GBF1: variants seen among roughly 807,000 people sequenced by gnomAD.
GBF1 encodes golgi brefeldin A resistant guanine nucleotide exchange factor 1.
In GBF1, 114 loss-of-function variants were observed where a neutral mutation model predicts 210.5. The ratio of observed to expected loss-of-function variants is 0.54; its 90% confidence interval spans 0.47 to 0.63. The LOEUF (loss-of-function observed/expected upper bound fraction) is 0.63, where lower values mean the gene tolerates loss of function less well. GBF1 is among the 30% of genes least tolerant of loss of function. GBF1 has a pLI of 0.00. For synonymous variants in GBF1, 850 were observed against 889.2 expected, an observed-to-expected ratio of 0.96 and a Z score of 0.78; for missense variants, 1,851 against 2,357.7, an observed-to-expected ratio of 0.79 and a Z score of 4.45.
chr10:102,360,151 T>C (rs1449673255), intron 11 of GBF1, 33 bp from the exon 12 acceptor site: 3 of 1,371,820 alleles, frequency 2.2e-6, no homozygotes, highest in East Asian at 4.6e-5. Context: ...AGTTGTTTTA[T>C]AGCAGTCTCA....
intron 4 of GBF1, 86 bp downstream of exon 4, chr10:102,344,268 G>A: frequency 4.0e-6 from 5 of 1,252,196 alleles, no homozygotes; most frequent in Non-Finnish European, 5.7e-6. Context: ...ATGAGCTGGT[G>A]ATAGTGGGAA....
intron 3 of GBF1, among the ~76,000 whole-genome samples, chr10:102,337,856 C>G (rs374408552): frequency 2.3e-4 from 35 of 151,938 alleles, no homozygotes; most frequent in African/African-American, 7.5e-4. Flanking sequence ...GACTCTGTCT[C>G]AAAAAGAAAG....
the GBF1 span, among the ~76,000 whole-genome samples, chr10:102,232,909 A>C: frequency 6.6e-6 from 1 of 152,182 alleles, no homozygotes; most frequent in African/African-American, 2.4e-5. Context: ...AATAATGTAT[A>C]CTTACTGTGA....
chr10:102,346,902 G>A (rs980146779), intron 4 of GBF1, among the ~76,000 whole-genome samples: 1 of 152,106 alleles, frequency 6.6e-6, no homozygotes, highest in Non-Finnish European at 1.5e-5. Flanking sequence ...ATGTCAATTT[G>A]TAGGAGTTCT....
At chr10:102,351,687 T>A (rs186339554) in intron 5 of GBF1, among the ~76,000 whole-genome samples, 156 bp from the exon 6 acceptor site, 1 of 152,204 alleles carries the variant, frequency 6.6e-6, no homozygotes, top group East Asian at 1.9e-4. Flanking sequence ...TATGTCAGGG[T>A]CATAAAAAGT....
chr10:102,271,207 T>G (rs1348232339), intron 3 of GBF1, among the ~76,000 whole-genome samples: 2 of 151,954 alleles, frequency 1.3e-5, no homozygotes, highest in Non-Finnish European at 2.9e-5. Context: ...CCGGCTAATT[T>G]TTTGTATTTT....
At chr10:102,362,731 C>T (rs1282476235) in intron 15 of GBF1, 67 bp downstream of exon 15, 8 of 1,293,614 alleles carry the variant, frequency 6.2e-6, no homozygotes, top group African/African-American at 2.9e-5. Flanking sequence ...CTCTCTGAGT[C>T]GTTTTTCCTG....
intron 3 of GBF1, among the ~76,000 whole-genome samples, chr10:102,332,138 G>A (rs2057382313): frequency 6.6e-6 from 1 of 152,022 alleles, no homozygotes; most frequent in African/African-American, 2.4e-5. Flanking sequence ...GGGATTACAG[G>A]TGTGAGCCAC....
intron 3 of GBF1, among the ~76,000 whole-genome samples, chr10:102,330,887 T>C (rs2057286935): frequency 6.6e-6 from 1 of 152,120 alleles, no homozygotes; most frequent in African/African-American, 2.4e-5. Flanking sequence ...ATACATCATA[T>C]TGGACAAAAT....
chr10:102,375,430 G>A lies in GBF1; in HGVS notation c.3732G>A (p.Ala1244=), dbSNP rs566182233. 23 of 1,613,804 alleles carry A rather than the reference G, an allele frequency of 1.4e-5. 1 individual carries two copies. Among genetic ancestry groups the A allele is most frequent in the South Asian group, 7.7e-5 (7 of 91,076 alleles). ...TATCCCGAGTCAGCCACCAGGTTGC[G>A]TATGGGCTCCATGAACTCCTGAAGA... The part of the protein sequence containing the change: ...SVLSRVSHQV[A]YGLHELLKTN... The change falls in exon 30 of 40, where the codon GCG becomes GCA. Residue 1244 remains alanine, a synonymous_variant. Coordinates refer to ENST00000369983, the MANE Select transcript of GBF1 (RefSeq NM_001377137.1).
At chr10:102,352,544 C>T in intron 7 of GBF1, 26 bp downstream of exon 7, 1 of 1,556,350 alleles carries the variant, frequency 6.4e-7, no homozygotes, top group Admixed American at 1.7e-5. Flanking sequence ...TTTGCTTCAG[C>T]CCGGCTGCCC....
rs148020551 is a variant in GBF1, at chr10:102,363,078, G to C, written c.1877-178G>C. 2.1e-4 allele frequency among the ~76,000 whole-genome samples: 32 copies of C among 152,276 alleles called. No homozygotes were observed. Among genetic ancestry groups the C allele is most frequent in the African/African-American group, 7.2e-4 (30 of 41,554 alleles). On this transcript the variant is annotated intron_variant, in intron 15 of 39. Coordinates refer to ENST00000369983, the MANE Select transcript of GBF1 (RefSeq NM_001377137.1). The surrounding 1 kb of genome is among the most constrained non-coding windows in gnomAD (Gnocchi z 4.2). Reference sequence around the variant, plus strand: ...TGGGTAATCTCTTCATTAAATTAGAGAATCTAATGCTTGGCTGGGACAGGG... The same window carrying C: ...TGGGTAATCTCTTCATTAAATTAGACAATCTAATGCTTGGCTGGGACAGGG...
chr10:102,280,329 G>C (rs987354823), intron 3 of GBF1, among the ~76,000 whole-genome samples: 1 of 152,100 alleles, frequency 6.6e-6, no homozygotes, highest in African/African-American at 2.4e-5. Flanking sequence ...CAGTGTGTGG[G>C]TTTTCCCCTT....
intron 33 of GBF1, among the ~76,000 whole-genome samples, chr10:102,378,803 G>A (rs1026988288): frequency 3.3e-5 from 5 of 151,900 alleles, no homozygotes; most frequent in African/African-American, 7.3e-5. Flanking sequence ...CTGTGGCAGC[G>A]CACAGCTGTA....
At position 102,368,411 on chromosome 10, in the gene GBF1, A is replaced by C. The variant is rs562563900; in HGVS notation, c.2836A>C (p.Ser946Arg). 1 of 1,613,666 alleles carries C rather than the reference A, an allele frequency of 6.2e-7. No homozygotes were observed. The highest frequency in any genetic ancestry group is 1.3e-5 in the African/African-American group (1 of 75,032). The change falls in exon 22 of 40, where the codon AGC (serine) becomes CGC (arginine). Residue 946 changes from serine to arginine, a missense_variant. Physicochemically the swap from Ser to Arg is moderately radical, Grantham distance 110. Transcript: ENST00000369983. ...TGCTCTCTCTTATGTCTTTGACAAA[A>C]GCCTTGAGGAGACAATCATCCAGAA... is the stretch of plus-strand genomic sequence containing the variant. The part of the protein sequence containing the change: ...IAALSYVFDK[S>R]LEETIIQKAI...
intron 3 of GBF1, among the ~76,000 whole-genome samples, chr10:102,290,458 G>A (rs1396742971): frequency 6.6e-6 from 1 of 151,840 alleles, no homozygotes; most frequent in Non-Finnish European, 1.5e-5. Context: ...CCTTATCTCT[G>A]TGTTGATAAC....
chr10:102,235,916 G>A, the GBF1 span, among the ~76,000 whole-genome samples: 1 of 152,214 alleles, frequency 6.6e-6, no homozygotes, highest in African/African-American at 2.4e-5. Context: ...ACCCAAGCTG[G>A]GAGCCACTTT....
intron 1 of GBF1, among the ~76,000 whole-genome samples, chr10:102,246,257 C>T (rs1366012421): frequency 6.6e-6 from 1 of 152,124 alleles, no homozygotes; most frequent in Admixed American, 6.5e-5. Context: ...TAATGATGAA[C>T]TAGTGCACCC....
intron 3 of GBF1, among the ~76,000 whole-genome samples, chr10:102,303,292 T>C (rs1366284722): frequency 6.6e-6 from 1 of 152,202 alleles, no homozygotes; most frequent in Non-Finnish European, 1.5e-5. Context: ...CCAGCTTTAA[T>C]TTTTGTATAT....
Sources: gnomAD v4.1 joint callset for allele counts (sites outside exome capture counted in the v4.1 genomes callset) on GRCh38, gnomAD v4.1.1 for gene constraint, Gnocchi (gnomAD v3.1) non-coding constraint, MANE v1.5 for transcripts, NCBI Gene and HGNC (gene_info 2026-07-23, HGNC 2026-07-21) for gene names.